Variants in SLC26A5 observed in about 807,000 individuals in gnomAD.
SLC26A5 encodes prestin.
In SLC26A5, 51 loss-of-function variants were observed where a neutral mutation model predicts 81.0. The observed-to-expected ratio is 0.63, with a 90% CI of 0.50 to 0.80. The LOEUF (loss-of-function observed/expected upper bound fraction) is 0.80. Among genes scored for constraint, SLC26A5 ranks in the 30% least tolerant of loss-of-function variants. SLC26A5 has a pLI of 0.00. For missense variants in SLC26A5, 771 were observed against 905.8 expected (o/e 0.85, Z 1.91); for synonymous variants, 325 against 332.8 (o/e 0.98, Z 0.25).
intron 1 of SLC26A5, among the ~76,000 whole-genome samples, chr7:103,443,539 A>G (rs10239626): frequency 0.39 from 59,089 of 152,090 alleles, 15,569 homozygotes; most frequent in African/African-American, 0.74. Context: ...CAGTAGTGGG[A>G]GCAAATCCTC....
exon 20 of SLC26A5, chr7:103,352,755 C>T: frequency 2.7e-6 from 2 of 745,798 alleles, no homozygotes; most frequent in Admixed American, 3.8e-5. Flanking sequence ...CTTTATTTCA[C>T]AAAAGAGAAA....
rs1221666338 is a variant in SLC26A5 at position 103,389,199 on chromosome 7, G to A, written c.1408-85C>T. 7 of 1,210,028 alleles carry A rather than the reference G, an allele frequency of 5.8e-6. No individual in the cohort carries two copies. The East Asian group carries it at 1.2e-4, about 20-fold the overall frequency. 75.0% of individuals were successfully genotyped at this position (1,210,028 alleles called of 1,614,324 possible). ...CACACAAGTGTGCACACACACACAT[G>A]CTACTTTTACCTTGTCTAACTGGAT... On this transcript the variant is annotated intron_variant, in intron 13 of 19. Transcript: ENST00000306312.
At chr7:103,404,018 G>A (rs1028799099) in intron 8 of SLC26A5, among the ~76,000 whole-genome samples, 1 of 152,020 alleles carries the variant, frequency 6.6e-6, no homozygotes, top group Admixed American at 6.6e-5. Context: ...CCCAGTCTCT[G>A]CTAAAAATAC....
chr7:103,406,025 C>T (rs1196263726), intron 8 of SLC26A5, among the ~76,000 whole-genome samples: 2 of 150,856 alleles, frequency 1.3e-5, no homozygotes, highest in Non-Finnish European at 1.5e-5. Flanking sequence ...AGATGCCCCT[C>T]CCCCCACCAA....
intron 14 of SLC26A5, among the ~76,000 whole-genome samples, chr7:103,386,881 C>T (rs2116439806): frequency 6.6e-6 from 1 of 152,052 alleles, no homozygotes; most frequent in African/African-American, 2.4e-5. Context: ...TCTGCCTCAC[C>T]CTCCTGAGTA....
downstream of SLC26A5, chr7:103,369,334 A>C (rs1005905978): frequency 2.0e-5 from 3 of 152,008 alleles, no homozygotes; most frequent in African/African-American, 7.3e-5. Flanking sequence ...TACTTAAGAA[A>C]ATGACTGAAG....
chr7:103,402,563 C>T (rs1227970997), intron 8 of SLC26A5, among the ~76,000 whole-genome samples: 1 of 151,840 alleles, frequency 6.6e-6, no homozygotes, highest in Non-Finnish European at 1.5e-5. Context: ...CCATGTCTGG[C>T]TAATTTTTTT....
intron 5 of SLC26A5, among the ~76,000 whole-genome samples, 161 bp downstream of exon 5, chr7:103,412,841 G>A (rs879108931): frequency 3.3e-5 from 5 of 152,066 alleles, no homozygotes; most frequent in Admixed American, 2.0e-4. Context: ...ATGAGCCACC[G>A]CACCTGGCCG....
intron 19 of SLC26A5, chr7:103,355,875 A>G: frequency 1.1e-6 from 1 of 928,460 alleles, no homozygotes; most frequent in Non-Finnish European, 1.6e-6. Context: ...ATAATGCAAT[A>G]GTTCATAAAT....
chr7:103,405,524 A>G (rs1172684732), intron 8 of SLC26A5, among the ~76,000 whole-genome samples: 1 of 152,204 alleles, frequency 6.6e-6, no homozygotes, highest in Non-Finnish European at 1.5e-5. Flanking sequence ...GCTGCAGAAC[A>G]GCAATGATTG....
intron 2 of SLC26A5, among the ~76,000 whole-genome samples, chr7:103,442,007 A>C (rs1030910170): frequency 6.6e-6 from 1 of 152,212 alleles, no homozygotes; most frequent in African/African-American, 2.4e-5. Flanking sequence ...TCTTAGAATC[A>C]GTTCTTAGCA....
intron 14 of SLC26A5, among the ~76,000 whole-genome samples, chr7:103,381,405 AACAC>A (rs1339782649): frequency 6.7e-6 from 1 of 150,136 alleles, no homozygotes; most frequent in Non-Finnish European, 1.5e-5. Context: ...ACTACACACA[AACAC>A]AAACAATACA....
chr7:103,422,927 C>T (rs185320251), intron 2 of SLC26A5, among the ~76,000 whole-genome samples: 71 of 152,076 alleles, frequency 4.7e-4, no homozygotes, highest in Non-Finnish European at 2.4e-4. Flanking sequence ...AACTCCTTCA[C>T]AGTGAAAACT....
intron 2 of SLC26A5, among the ~76,000 whole-genome samples, chr7:103,438,590 C>A (rs896334391): frequency 6.6e-6 from 1 of 151,966 alleles, no homozygotes; most frequent in African/African-American, 2.4e-5. Flanking sequence ...TGACTTCAAG[C>A]GATCCACCCA....
chr7:103,374,656 A>C, intron 19 of SLC26A5, 64 bp from the exon 20 acceptor site: 1 of 1,495,722 alleles, frequency 6.7e-7, no homozygotes, highest in South Asian at 1.2e-5. Flanking sequence ...AATTAAAAAA[A>C]AGTAACACTT....
chr7:103,426,544 GAC>G (rs954865411), intron 2 of SLC26A5, among the ~76,000 whole-genome samples: 13 of 152,176 alleles, frequency 8.5e-5, no homozygotes, highest in African/African-American at 3.1e-4. Flanking sequence ...GTTAGGAAGA[GAC>G]ACAGAGAGGA....
At chr7:103,428,579 T>G (rs1381135268) in intron 2 of SLC26A5, among the ~76,000 whole-genome samples, 2 of 100,316 alleles carry the variant, frequency 2.0e-5, no homozygotes, top group Non-Finnish European at 3.8e-5. Context: ...TTTTTTTTTT[T>G]GAAACAGACA....
intron 2 of SLC26A5, among the ~76,000 whole-genome samples, chr7:103,425,306 C>G (rs1444920824): frequency 6.6e-6 from 1 of 152,190 alleles, no homozygotes; most frequent in African/African-American, 2.4e-5. Context: ...TCTGGCTAAA[C>G]CTAGAACTTC....
chr7:103,355,730 C>G, intron 19 of SLC26A5: 1 of 1,614,114 alleles, frequency 6.2e-7, no homozygotes, highest in Non-Finnish European at 8.5e-7. Flanking sequence ...GCCCCACCAG[C>G]ACTCTGGGAT....
Sources: gnomAD v4.1 joint callset for allele counts (sites outside exome capture counted in the v4.1 genomes callset) on GRCh38, gnomAD v4.1.1 for gene constraint, MANE v1.5 for transcripts, NCBI Gene and HGNC (gene_info 2026-07-23, HGNC 2026-07-21) for gene names.